Variants in SLC35F3 observed in about 807,000 individuals in gnomAD.
The protein encoded by SLC35F3 is solute carrier family 35 member F3.
In SLC35F3, 25 loss-of-function variants were observed where a neutral mutation model predicts 49.9. The observed-to-expected ratio is 0.50, with a 90% CI of 0.37 to 0.70. SLC35F3 has a LOEUF of 0.70. SLC35F3 is among the 30% of genes least tolerant of loss of function. The pLI, the probability that SLC35F3 is intolerant of heterozygous loss-of-function variation, is 0.00. For missense variants in SLC35F3, 525 were observed against 639.8 expected (o/e 0.82, Z 1.94); for synonymous variants, 275 against 265.4 (o/e 1.04, Z -0.35).
rs552043162 is a variant in SLC35F3, at chr1:234,205,481, G to A, written c.284-25936G>A. On this transcript the variant is annotated intron_variant, in intron 2 of 7. Coordinates refer to ENST00000366618, the MANE Select transcript of SLC35F3 (RefSeq NM_173508.4). Reference sequence around the variant, plus strand: ...GTCTCAAAGCAGAGACAATGCCTGAGAACAGCTAGCACCAGGAATGCTGGA... The same window carrying A: ...GTCTCAAAGCAGAGACAATGCCTGAAAACAGCTAGCACCAGGAATGCTGGA... Among the ~76,000 whole-genome samples the A allele has an allele frequency of 1.6e-3, 249 of 152,340 alleles. 1 individual carries two copies. Among genetic ancestry groups the A allele is most frequent in the Admixed American group, 4.8e-3 (73 of 15,300 alleles).
chr1:234,262,727 G>A (rs190610676), intron 3 of SLC35F3, among the ~76,000 whole-genome samples: 13 of 152,306 alleles, frequency 8.5e-5, no homozygotes, highest in African/African-American at 2.9e-4. Flanking sequence ...TACAGAATGC[G>A]GTTCCGGTTG....
intron 2 of SLC35F3, among the ~76,000 whole-genome samples, chr1:234,112,193 G>C (rs1665417586): frequency 6.6e-6 from 1 of 152,012 alleles, no homozygotes; most frequent in Non-Finnish European, 1.5e-5. Flanking sequence ...AAATAAAAAA[G>C]AAAATAAAGG....
chr1:234,168,133 C>T (rs1666345694), intron 2 of SLC35F3, among the ~76,000 whole-genome samples: 1 of 152,202 alleles, frequency 6.6e-6, no homozygotes, highest in Non-Finnish European at 1.5e-5. Context: ...TCAAGAACCT[C>T]TAAAGTGGCA....
intron 2 of SLC35F3, among the ~76,000 whole-genome samples, chr1:234,202,818 G>A (rs1357249810): frequency 6.6e-6 from 1 of 152,254 alleles, no homozygotes; most frequent in East Asian, 1.9e-4. Context: ...CAGCTGAAAT[G>A]AAGAGATTGG....
intron 3 of SLC35F3, among the ~76,000 whole-genome samples, chr1:234,253,313 CA>C (rs577262004): frequency 6.7e-6 from 1 of 149,140 alleles, no homozygotes; most frequent in Non-Finnish European, 1.5e-5. Context: ...GCAACAAGAG[CA>C]AAAAAACTTC....
intron 5 of SLC35F3, among the ~76,000 whole-genome samples, chr1:234,318,128 G>A (rs1239143005): frequency 6.6e-6 from 1 of 152,132 alleles, no homozygotes; most frequent in Non-Finnish European, 1.5e-5. Flanking sequence ...GCTGCCCTGG[G>A]GCCATCTGCA....
intron 2 of SLC35F3, among the ~76,000 whole-genome samples, chr1:234,036,105 CTCA>C (rs1367405577): frequency 6.6e-6 from 1 of 152,092 alleles, no homozygotes; most frequent in Non-Finnish European, 1.5e-5. Context: ...GAGGTGGGAT[CTCA>C]CTCTGTCACC....
chr1:234,222,032 T>C (rs984342013), intron 2 of SLC35F3, among the ~76,000 whole-genome samples: 1 of 152,302 alleles, frequency 6.6e-6, no homozygotes, highest in African/African-American at 2.4e-5. Flanking sequence ...TGTGAGCATA[T>C]GTGTGCATGT....
chr1:234,017,719 A>G lies in SLC35F3; in HGVS notation c.283+111961A>G, dbSNP rs575719021. ...ACAGAGCGAGACTTTGTCTCAGAAA[A>G]AAAAAAAAAAAAAAAGACACCTTGC... On this transcript the variant is annotated intron_variant, in intron 2 of 7. Transcript: ENST00000366618. Among the ~76,000 whole-genome samples the G allele has an allele frequency of 1.8e-3, 266 of 150,644 alleles. 2 individuals are homozygous for G. Among genetic ancestry groups the G allele is most frequent in the South Asian group, 9.1e-3 (43 of 4,716 alleles).
chr1:234,084,950 A>C (rs777425365), intron 2 of SLC35F3, among the ~76,000 whole-genome samples: 2 of 152,248 alleles, frequency 1.3e-5, no homozygotes, highest in South Asian at 2.1e-4. Context: ...AGTGGATTCA[A>C]CCATTAAAAG....
intron 2 of SLC35F3, among the ~76,000 whole-genome samples, chr1:234,153,098 A>T (rs532181444): frequency 6.6e-6 from 1 of 152,316 alleles, no homozygotes; most frequent in South Asian, 2.1e-4. Context: ...CTAGGATTTT[A>T]TATCAAGTCT....
intron 2 of SLC35F3, among the ~76,000 whole-genome samples, chr1:234,182,091 T>C (rs1228719856): frequency 6.6e-6 from 1 of 152,258 alleles, no homozygotes; most frequent in Non-Finnish European, 1.5e-5. Context: ...AACAGTAAGT[T>C]GGATTTCTAA....
At chr1:233,980,669 T>C (rs1406015480) in intron 2 of SLC35F3, among the ~76,000 whole-genome samples, 1 of 152,162 alleles carries the variant, frequency 6.6e-6, no homozygotes. Flanking sequence ...AACGGAATGA[T>C]GTTATATTTT....
chr1:234,207,387 CAT>C (rs1666986081), intron 2 of SLC35F3, among the ~76,000 whole-genome samples: 1 of 29,900 alleles, frequency 3.3e-5, no homozygotes, highest in African/African-American at 1.3e-4. Flanking sequence ...TTTTTCCTTC[CAT>C]CCTTCCTTCC....
chr1:234,112,218 G>GTGCATGCC (rs200436546), intron 2 of SLC35F3, among the ~76,000 whole-genome samples: 2,456 of 152,228 alleles, frequency 0.016, 31 homozygotes, highest in Non-Finnish European at 0.025. Context: ...AGGCATGGTG[G>GTGCATGCC]TGCATGCCTG....
intron 2 of SLC35F3, among the ~76,000 whole-genome samples, chr1:234,002,761 G>T (rs537796423): frequency 6.6e-6 from 1 of 152,286 alleles, no homozygotes; most frequent in African/African-American, 2.4e-5. Flanking sequence ...CTCCTTGAAG[G>T]TGGAGAGTCT....
chr1:234,307,210 G>A (rs1180494375), intron 3 of SLC35F3, among the ~76,000 whole-genome samples: 4 of 152,314 alleles, frequency 2.6e-5, no homozygotes, highest in East Asian at 1.9e-4. Flanking sequence ...AGTTAGATGA[G>A]GGTTGCAGCT....
intron 2 of SLC35F3, among the ~76,000 whole-genome samples, chr1:234,034,274 CA>C (rs1160674979): frequency 1.3e-5 from 2 of 152,152 alleles, no homozygotes; most frequent in Non-Finnish European, 2.9e-5. Flanking sequence ...TTAGGGTATA[CA>C]ATCATATCAT....
chr1:234,154,010 C>T (rs565974677), intron 2 of SLC35F3, among the ~76,000 whole-genome samples: 3 of 149,488 alleles, frequency 2.0e-5, no homozygotes, highest in Admixed American at 2.0e-4. Flanking sequence ...TGCAGTGAGC[C>T]GAGATCACAC....
Sources: gnomAD v4.1 joint callset for allele counts (sites outside exome capture counted in the v4.1 genomes callset) on GRCh38, gnomAD v4.1.1 for gene constraint, MANE v1.5 for transcripts, NCBI Gene and HGNC (gene_info 2026-07-23, HGNC 2026-07-21) for gene names.